BRWD3: variants seen among roughly 807,000 people sequenced by gnomAD.
The protein encoded by BRWD3 is bromodomain and WD repeat-containing protein 3.
A neutral mutation model predicts 149.7 loss-of-function variants in BRWD3; 10 were observed. The observed-to-expected ratio is 0.07, with a 90% CI of 0.04 to 0.11. The LOEUF is 0.11. Ranked by LOEUF, BRWD3 falls within the 10% of genes least tolerant of loss-of-function variation. BRWD3 has a pLI of 1.00. For missense variants in BRWD3, 940 were observed against 1,373.2 expected, an observed-to-expected ratio of 0.68 and a Z score of 4.99; for synonymous variants, 504 against 456.7, an observed-to-expected ratio of 1.10 and a Z score of -1.32.
Position 80,771,237 on chromosome X carries a change from T to A in BRWD3, c.430+20617A>T, listed in dbSNP as rs187772000. 3.9e-3 allele frequency among the ~76,000 whole-genome samples: 429 copies of A among 111,359 alleles called. 5 individuals are homozygous for A. The highest frequency in any genetic ancestry group is 0.013 in the African/African-American group (412 of 30,611). ...CCTACCAATAACTTTCTTCACAGAATTGGAAAAAACTACTTTAAAGTTCAT... is the reference window on the plus strand; with the variant it reads ...CCTACCAATAACTTTCTTCACAGAAATGGAAAAAACTACTTTAAAGTTCAT... On this transcript the variant is annotated intron_variant, in intron 6 of 40. Coordinates refer to ENST00000373275, the MANE Select transcript of BRWD3 (RefSeq NM_153252.5).
intron 31 of BRWD3, 72 bp from the exon 32 acceptor site, chrX:80,690,164 G>T: frequency 9.6e-7 from 1 of 1,044,740 alleles, no homozygotes; most frequent in Non-Finnish European, 1.3e-6. Context: ...ATACAATATG[G>T]AACAAATATG....
At chrX:80,738,091 A>G (rs2073429514) in intron 8 of BRWD3, among the ~76,000 whole-genome samples, 1 of 112,553 alleles carries the variant, frequency 8.9e-6, no homozygotes, top group South Asian at 3.6e-4. Flanking sequence ...GAATTAGACA[A>G]TTAAATATGA....
intron 27 of BRWD3, among the ~76,000 whole-genome samples, chrX:80,693,446 A>T (rs896373902): frequency 4.5e-5 from 5 of 112,139 alleles, no homozygotes; most frequent in Non-Finnish European, 9.4e-5. Flanking sequence ...ACAGATCTTC[A>T]AGGCAGGCTG....
At chrX:80,778,226 T>C (rs749612273) in intron 6 of BRWD3, among the ~76,000 whole-genome samples, 1 of 111,754 alleles carries the variant, frequency 8.9e-6, no homozygotes, top group East Asian at 2.8e-4. Context: ...CCAACTTTAG[T>C]AGGCCAGAAT....
chrX:80,703,384 T>A (rs1166707105), intron 24 of BRWD3, 96 bp downstream of exon 24: 2 of 534,834 alleles, frequency 3.7e-6, no homozygotes, highest in Non-Finnish European at 6.2e-6. Flanking sequence ...CTGTATATAT[T>A]ATTATAATGG....
At position 80,735,169 on chromosome X, in the gene BRWD3, A is replaced by G. The variant is rs770894577; in HGVS notation, c.943T>C (p.Ser315Pro). ...CAAGATATCTGGACTCCAGGTCTGGATCTCTCAGTAAATTTCACCGGGCGA... is the reference window on the plus strand; with the variant it reads ...CAAGATATCTGGACTCCAGGTCTGGGTCTCTCAGTAAATTTCACCGGGCGA... Reference protein sequence around the residue: ...RDRPVKFTERSRPGVQISCSS... With the variant: ...RDRPVKFTERPRPGVQISCSS... The change falls in exon 10 of 41, where the codon TCC becomes CCC. Residue 315 changes from serine (S) to proline (P), a missense_variant. Ser to Pro is a moderately conservative substitution (Grantham distance 74, BLOSUM62 -1). Transcript: ENST00000373275. 3 of 1,205,489 alleles carry G rather than the reference A, an allele frequency of 2.5e-6. No homozygotes were observed. The African/African-American group carries it at 5.3e-5, about 21-fold the overall frequency.
At position 80,710,377 on chromosome X, in the gene BRWD3, G is replaced by T; in HGVS notation, c.2326-800C>A. 8.9e-6 allele frequency: 3 copies of T among 336,921 alleles called. No individual in the cohort carries two copies. In the South Asian group the frequency reaches 1.0e-4, roughly 11 times the overall value. 27.8% of individuals were successfully genotyped at this position (336,921 alleles called of 1,213,427 possible). On this transcript the variant is annotated intron_variant, in intron 20 of 40. Transcript: ENST00000373275. The stretch of plus-strand genomic sequence containing the variant: ...AACCTGGTCATCTGCTGACTATTTT[G>T]ACTACAGAGCTACGTCCACTGGGGC...
chrX:80,724,882 A>G, intron 15 of BRWD3, 51 bp downstream of exon 15: 1 of 1,185,011 alleles, frequency 8.4e-7, no homozygotes, highest in Non-Finnish European at 1.1e-6. Context: ...AAGTTATTAT[A>G]TGAGAGAAGT....
chrX:80,762,098 A>G (rs1173165496), intron 6 of BRWD3, among the ~76,000 whole-genome samples: 1 of 111,828 alleles, frequency 8.9e-6, no homozygotes, highest in Non-Finnish European at 1.9e-5. Flanking sequence ...TTGGCAATAA[A>G]AAGATGCAAA....
intron 6 of BRWD3, among the ~76,000 whole-genome samples, chrX:80,780,926 T>C (rs1450113806): frequency 8.9e-6 from 1 of 112,075 alleles, no homozygotes; most frequent in Non-Finnish European, 1.9e-5. Context: ...AAACAAGAGA[T>C]AGATTCCTCA....
chrX:80,803,390 C>G (rs761320862), intron 4 of BRWD3, among the ~76,000 whole-genome samples: 1 of 111,565 alleles, frequency 9.0e-6, no homozygotes, highest in Non-Finnish European at 1.9e-5. Context: ...CACAGTATCT[C>G]ATTTGTACTG....
rs1242081513 is a variant in BRWD3, at chrX:80,670,700, G to A, written c.*5909C>T. ...TTCCCAAAATGCTGAGATTATAAAC[G>A]TGAGTCACTGTGCCTGGCCTTAACC... is the stretch of plus-strand genomic sequence containing the variant. On this transcript the variant is annotated 3_prime_UTR_variant, in exon 41 of 41. Transcript: ENST00000373275. 9.0e-6 allele frequency among the ~76,000 whole-genome samples: 1 copy of A among 111,261 alleles called. No homozygotes were observed. Among genetic ancestry groups the A allele is most frequent in the Non-Finnish European group, 1.9e-5 (1 of 53,074 alleles).
intron 6 of BRWD3, among the ~76,000 whole-genome samples, chrX:80,755,154 A>G (rs2073722597): frequency 8.9e-6 from 1 of 111,922 alleles, no homozygotes; most frequent in Non-Finnish European, 1.9e-5. Context: ...CATCTCTGGT[A>G]TATTATCTTT....
Position 80,809,227 on chromosome X carries a change from A to G in BRWD3, c.90+19T>C, listed in dbSNP as rs1269871134. The G allele has an allele frequency of 2.5e-6, 3 of 1,192,459 alleles. No individual in the cohort carries two copies. Among genetic ancestry groups the G allele is most frequent in the Non-Finnish European group, 3.4e-6 (3 of 884,763 alleles). On this transcript the variant is annotated intron_variant, in intron 2 of 40. Coordinates refer to ENST00000373275, the MANE Select transcript of BRWD3 (RefSeq NM_153252.5). The stretch of plus-strand genomic sequence containing the variant: ...TGGGACCATTCACCACGACTCCCAG[A>G]TCTCTTTCTTCCCCTTACCTGAGCG...
At chrX:80,752,968 C>T (rs1245405511) in intron 6 of BRWD3, among the ~76,000 whole-genome samples, 1 of 111,885 alleles carries the variant, frequency 8.9e-6, no homozygotes, top group African/African-American at 3.2e-5. Context: ...CCTGGCCGAT[C>T]ATTTTTTTGT....
intron 35 of BRWD3, among the ~76,000 whole-genome samples, chrX:80,685,915 C>G (rs1235471725): frequency 9.0e-6 from 1 of 111,322 alleles, no homozygotes; most frequent in African/African-American, 3.3e-5. Flanking sequence ...AATAGATTTG[C>G]TATCTATACT....
intron 9 of BRWD3, among the ~76,000 whole-genome samples, 188 bp from the exon 10 acceptor site, chrX:80,735,385 GAT>G (rs1416084114): frequency 9.0e-6 from 1 of 111,401 alleles, no homozygotes; most frequent in Non-Finnish European, 1.9e-5. Flanking sequence ...TATACTTTAT[GAT>G]ATCAGTATTA....
rs2073585038 is a variant in BRWD3 at position 80,745,815 on chromosome X, C to CA, written c.431-87dup. 27 of 889,975 alleles carry CA rather than the reference C, an allele frequency of 3.0e-5. No homozygotes were observed. The East Asian group carries it at 9.2e-4, about 30-fold the overall frequency. 73.3% of individuals were successfully genotyped at this position (889,975 alleles called of 1,213,427 possible). A position where few individuals can be genotyped will look rare whatever the true frequency, so the allele number is the denominator to read the frequency against. On this transcript the variant is annotated intron_variant, in intron 6 of 40. Coordinates refer to ENST00000373275, the MANE Select transcript of BRWD3 (RefSeq NM_153252.5). ...TCATAAATATTAAGATGAGACAAAA[C>CA]AGAGTACATATATTATAGCAATTCT...
chrX:80,785,106 C>T (rs2074095389), intron 6 of BRWD3, among the ~76,000 whole-genome samples: 1 of 112,310 alleles, frequency 8.9e-6, no homozygotes, highest in Admixed American at 9.5e-5. Context: ...GAATATTAAT[C>T]TTTAAAATGA....
Sources: allele counts gnomAD v4.1 joint callset (sites outside exome capture counted in the v4.1 genomes callset), GRCh38; gene constraint gnomAD v4.1.1; transcripts MANE v1.5; gene names NCBI Gene and HGNC (gene_info 2026-07-23, HGNC 2026-07-21).